The following DCBLD1 variants were observed in gnomAD, a reference collection of about 807,000 sequenced individuals.
DCBLD1 encodes the protein discoidin, CUB and LCCL domain containing 1.
Under a neutral mutation model 71.5 loss-of-function variants are expected in DCBLD1, and 57 were observed. The observed-to-expected ratio is 0.80, with a 90% CI of 0.64 to 0.99. DCBLD1 has a LOEUF of 0.99. DCBLD1 is among the 50% of genes least tolerant of loss of function. The pLI is 0.00. For synonymous variants in DCBLD1, 380 were observed against 363.8 expected, an observed-to-expected ratio of 1.04 and a Z score of -0.51; for missense variants, 891 against 923.5, an observed-to-expected ratio of 0.96 and a Z score of 0.46.
At chr6:117,545,283 C>T (rs887592631) in intron 13 of DCBLD1, among the ~76,000 whole-genome samples, 195 bp from the exon 14 acceptor site, 8 of 152,054 alleles carry the variant, frequency 5.3e-5, no homozygotes, top group Admixed American at 5.2e-4. Flanking sequence ...CAGCGGAAAG[C>T]ATGGTTAGAG....
intron 9 of DCBLD1, 81 bp downstream of exon 9, chr6:117,539,460 TA>T (rs1413937069): frequency 2.8e-6 from 4 of 1,444,598 alleles, no homozygotes; most frequent in Non-Finnish European, 3.7e-6. Context: ...TTACATTAAA[TA>T]TCTCATTAAT....
chr6:117,519,847 A>G lies in DCBLD1; in HGVS notation c.357A>G (p.Lys119=), dbSNP rs748078351. ...ACTGTGGAAGTATGACTGTTCCCAA[A>G]GAACTCTTGTTGAACACAAGTGAAG... ...GPYCGSMTVP[K]ELLLNTSEVT... is the part of the protein sequence containing the mutation. The change falls in exon 3 of 15, where the codon AAA becomes AAG. Residue 119 remains lysine, a synonymous_variant. Coordinates refer to ENST00000338728, the MANE Select transcript of DCBLD1 (RefSeq NM_001366458.2). 17 of 1,613,972 alleles carry G rather than the reference A, an allele frequency of 1.1e-5. No homozygotes were observed. In the East Asian group the frequency reaches 3.6e-4, roughly 34 times the overall value.
chr6:117,502,686 C>T (rs940172390), intron 1 of DCBLD1, among the ~76,000 whole-genome samples: 1 of 151,972 alleles, frequency 6.6e-6, no homozygotes, highest in African/African-American at 2.4e-5. Flanking sequence ...TTTGAGAGTT[C>T]CTTCTTCAAC....
chr6:117,555,608 G>A (rs1001400633), intron 14 of DCBLD1, among the ~76,000 whole-genome samples: 2 of 152,156 alleles, frequency 1.3e-5, no homozygotes, highest in African/African-American at 4.8e-5. Flanking sequence ...GTGGGGGCAG[G>A]GGAATGCTAT....
At position 117,521,508 on chromosome 6, in the gene DCBLD1, A is replaced by G; in HGVS notation, c.461-17A>G. 1 of 1,562,334 alleles carries G rather than the reference A, an allele frequency of 6.4e-7. No individual in the cohort carries two copies. The highest frequency in any genetic ancestry group is 8.7e-7 in the Non-Finnish European group (1 of 1,155,954). On this transcript the variant is annotated splice_polypyrimidine_tract_variant and intron_variant, in intron 3 of 14. Coordinates refer to ENST00000338728, the MANE Select transcript of DCBLD1 (RefSeq NM_001366458.2). ...TTTATTCATTCTATTAATTGCAATT[A>G]TCTTTATTTATGACAGATTTAATAA...
downstream of DCBLD1, among the ~76,000 whole-genome samples, chr6:117,551,097 T>G (rs1779419498): frequency 6.6e-6 from 1 of 152,208 alleles, no homozygotes; most frequent in Non-Finnish European, 1.5e-5. Context: ...TCCCAGCCTC[T>G]CCTTGTTCTG....
chr6:117,543,956 A>G (rs954777827), intron 12 of DCBLD1, among the ~76,000 whole-genome samples: 1 of 152,200 alleles, frequency 6.6e-6, no homozygotes, highest in Non-Finnish European at 1.5e-5. Context: ...TAGATGTTGG[A>G]TCTAAACAAA....
At chr6:117,519,355 TATGCTGCATGTGA>T (rs964539560) in intron 2 of DCBLD1, among the ~76,000 whole-genome samples, 1 of 152,216 alleles carries the variant, frequency 6.6e-6, no homozygotes, top group Non-Finnish European at 1.5e-5. Context: ...AATCAGTGTG[TATGCTGCATGTGA>T]ATGCTGCATG....
chr6:117,541,880 C>A (rs1275892140), intron 11 of DCBLD1, among the ~76,000 whole-genome samples: 2 of 152,074 alleles, frequency 1.3e-5, no homozygotes, highest in Non-Finnish European at 2.9e-5. Context: ...AGGTTGAAAA[C>A]CCCAATTATT....
chr6:117,505,127 T>C (rs1777796026), intron 2 of DCBLD1, among the ~76,000 whole-genome samples: 1 of 152,210 alleles, frequency 6.6e-6, no homozygotes, highest in Non-Finnish European at 1.5e-5. Flanking sequence ...AGGAGCATTG[T>C]CTATTTAATG....
At chr6:117,541,091 T>A (rs1779081533) in intron 11 of DCBLD1, 66 bp downstream of exon 11, 1 of 1,489,472 alleles carries the variant, frequency 6.7e-7, no homozygotes, top group Admixed American at 1.9e-5. Context: ...TATCAGTAAC[T>A]TCAACAAAAT....
intron 3 of DCBLD1, among the ~76,000 whole-genome samples, 176 bp downstream of exon 3, chr6:117,520,126 C>T (rs922208035): frequency 1.3e-5 from 2 of 152,158 alleles, no homozygotes; most frequent in African/African-American, 4.8e-5. Flanking sequence ...CATATTGCAG[C>T]ACAGGTGTGT....
intron 2 of DCBLD1, among the ~76,000 whole-genome samples, chr6:117,511,186 T>C (rs938757711): frequency 2.0e-5 from 3 of 152,166 alleles, no homozygotes; most frequent in Admixed American, 6.5e-5. Context: ...GTGTAGTTCT[T>C]GTTCGTCACT....
intron 2 of DCBLD1, among the ~76,000 whole-genome samples, chr6:117,505,975 C>T (rs1777829279): frequency 6.6e-6 from 1 of 152,126 alleles, no homozygotes. Context: ...AATTCATTCG[C>T]AGCAATAAAG....
At chr6:117,539,179 T>G (rs1213693419) in intron 8 of DCBLD1, 76 bp from the exon 9 acceptor site, 2 of 1,319,878 alleles carry the variant, frequency 1.5e-6, no homozygotes, top group Non-Finnish European at 2.0e-6. Context: ...GAGAAAAAAA[T>G]GAAACTTGAA....
chr6:117,505,410 G>T (rs967718411), intron 2 of DCBLD1, among the ~76,000 whole-genome samples: 1 of 152,180 alleles, frequency 6.6e-6, no homozygotes, highest in Non-Finnish European at 1.5e-5. Context: ...GATGCAAAGT[G>T]CTGCAGGGCC....
chr6:117,553,464 C>G (rs945166110), downstream of DCBLD1, among the ~76,000 whole-genome samples: 1 of 152,138 alleles, frequency 6.6e-6, no homozygotes, highest in Non-Finnish European at 1.5e-5. Context: ...TTCTTCCTTT[C>G]ATTGGAGGTC....
chr6:117,524,200 A>ATTT (rs879540380), intron 4 of DCBLD1, among the ~76,000 whole-genome samples: 1 of 140,984 alleles, frequency 7.1e-6, no homozygotes, highest in Non-Finnish European at 1.6e-5. Context: ...TTGAATCCTA[A>ATTT]TTTTTTTTTT....
At chr6:117,554,318 A>AG (rs748382221), downstream of DCBLD1, among the ~76,000 whole-genome samples, 1 of 152,218 alleles carries the variant, frequency 6.6e-6, no homozygotes, top group South Asian at 2.1e-4. Flanking sequence ...GCTGGCTTTT[A>AG]GGCAGAGATA....
Sources: allele counts gnomAD v4.1 joint callset (sites outside exome capture counted in the v4.1 genomes callset), GRCh38; gene constraint gnomAD v4.1.1; transcripts MANE v1.5; gene names NCBI Gene and HGNC (gene_info 2026-07-23, HGNC 2026-07-21).